The following SDHAF4 variants were observed in gnomAD, a reference collection of about 807,000 sequenced individuals.
SDHAF4 encodes succinate dehydrogenase complex assembly factor 4, also known as succinate dehydrogenase assembly factor 4, mitochondrial.
Under a neutral mutation model 14.3 loss-of-function variants are expected in SDHAF4, and 14 were observed. That is an observed-to-expected ratio of 0.98 (90% CI 0.65 to 1.53). The LOEUF is 1.53. Among genes scored for constraint, SDHAF4 ranks in the 40% most tolerant of loss-of-function variants. SDHAF4 has a pLI of 0.00. For synonymous variants in SDHAF4, 63 were observed against 47.3 expected, an observed-to-expected ratio of 1.33 and a Z score of -1.36; for missense variants, 141 against 129.3, an observed-to-expected ratio of 1.09 and a Z score of -0.44.
Position 70,567,117 on chromosome 6 carries a change from C to T in SDHAF4, c.64+113C>T, listed in dbSNP as rs113644446. 1,079 of 1,063,656 alleles carry T rather than the reference C, an allele frequency of 1.0e-3. 6 individuals are homozygous for T. The African/African-American group carries it at 0.015, about 15-fold the overall frequency. The allele number at this position is 1,063,656 out of a possible 1,614,324, so 65.9% of individuals were successfully genotyped here. A position where few individuals can be genotyped will look rare whatever the true frequency, so the allele number is the denominator to read the frequency against. On this transcript the variant is annotated intron_variant, in intron 1 of 2. Coordinates refer to ENST00000370474, the MANE Select transcript of SDHAF4 (RefSeq NM_145267.3). ...GTGTGTCCTGGCCGTTCGGTGTTGCCAGGGGCTGCCCAGCTTCTCCCGCCC... is the reference window on the plus strand; with the variant it reads ...GTGTGTCCTGGCCGTTCGGTGTTGCTAGGGGCTGCCCAGCTTCTCCCGCCC...
At chr6:70,567,412 A>T (rs1802111826) in intron 1 of SDHAF4, 1 of 172,808 alleles carries the variant, frequency 5.8e-6, no homozygotes, top group Non-Finnish European at 1.2e-5. Context: ...ATCATTATTT[A>T]CAGGAATCCG....
chr6:70,597,865 C>T, the SDHAF4 span, among the ~76,000 whole-genome samples: 1 of 152,110 alleles, frequency 6.6e-6, no homozygotes, highest in Non-Finnish European at 1.5e-5. Flanking sequence ...AATTTTTAAG[C>T]CCTTCCTGGT....
downstream of SDHAF4, among the ~76,000 whole-genome samples, chr6:70,592,627 A>G (rs1245087167): frequency 6.6e-6 from 1 of 152,226 alleles, no homozygotes; most frequent in Non-Finnish European, 1.5e-5. Context: ...GAATTAGAAT[A>G]TTTGACGGAA....
rs5877254 is a variant in SDHAF4, at chr6:70,568,962, C to CTTTTTTTTTTTTTTTTTTTTTTTTTTTTT, written c.64+1979_64+1980insTTTTTTTTTTTTTTTTTTTTTTTTTTTTT. Among the ~76,000 whole-genome samples, 22 of 97,990 alleles carry CTTTTTTTTTTTTTTTTTTTTTTTTTTTTT rather than the reference C, an allele frequency of 2.2e-4. 2 individuals are homozygous for CTTTTTTTTTTTTTTTTTTTTTTTTTTTTT. Among genetic ancestry groups the CTTTTTTTTTTTTTTTTTTTTTTTTTTTTT allele is most frequent in the African/African-American group, 8.8e-4 (21 of 23,748 alleles). The allele number at this position is 97,990 out of a possible 152,430, so 64.3% of individuals were successfully genotyped here. The stretch of plus-strand genomic sequence containing the variant: ...TTTGTGAAATACCTCTTTCTTTTTT[C>CTTTTTTTTTTTTTTTTTTTTTTTTTTTTT]TTTTTTTTTTTTTTTTTTTTTGAGG... On this transcript the variant is annotated intron_variant, in intron 1 of 2. Coordinates refer to ENST00000370474, the MANE Select transcript of SDHAF4 (RefSeq NM_145267.3).
At chr6:70,591,178 C>T (rs1171169309), downstream of SDHAF4, among the ~76,000 whole-genome samples, 2 of 152,070 alleles carry the variant, frequency 1.3e-5, no homozygotes, top group Non-Finnish European at 2.9e-5. Flanking sequence ...AAACTGGTAC[C>T]CTGTGGCCTA....
At chr6:70,580,193 T>G (rs1802304648) in intron 2 of SDHAF4, among the ~76,000 whole-genome samples, 1 of 152,114 alleles carries the variant, frequency 6.6e-6, no homozygotes, top group Non-Finnish European at 1.5e-5. Context: ...GGTATACAAA[T>G]GTACAAATGG....
chr6:70,581,245 A>G (rs146045590), intron 2 of SDHAF4, among the ~76,000 whole-genome samples: 1 of 152,162 alleles, frequency 6.6e-6, no homozygotes, highest in African/African-American at 2.4e-5. Flanking sequence ...TGTATTTAAT[A>G]CTACCAAATT....
chr6:70,593,169 A>C (rs532231522), downstream of SDHAF4, among the ~76,000 whole-genome samples: 55 of 152,348 alleles, frequency 3.6e-4, 2 homozygotes, highest in South Asian at 0.011. Flanking sequence ...CAGTGATGCA[A>C]GTGGTCTCAG....
At chr6:70,586,069 G>T (rs1765196316) in intron 2 of SDHAF4, among the ~76,000 whole-genome samples, 1 of 152,146 alleles carries the variant, frequency 6.6e-6, no homozygotes, top group African/African-American at 2.4e-5. Context: ...TTCCTCAGTA[G>T]AACAGGTTTT....
chr6:70,583,698 A>G (rs950371170), intron 2 of SDHAF4, among the ~76,000 whole-genome samples: 3 of 152,150 alleles, frequency 2.0e-5, no homozygotes, highest in Non-Finnish European at 4.4e-5. Context: ...AAACAAAACA[A>G]AACAAAAATC....
intron 1 of SDHAF4, among the ~76,000 whole-genome samples, chr6:70,573,010 C>G (rs1240206174): frequency 6.6e-6 from 1 of 151,966 alleles, no homozygotes; most frequent in Non-Finnish European, 1.5e-5. Flanking sequence ...GAGTCTTGTC[C>G]TGTCACCAGG....
At chr6:70,575,776 GT>G (rs1802247707) in intron 1 of SDHAF4, among the ~76,000 whole-genome samples, 1 of 151,820 alleles carries the variant, frequency 6.6e-6, no homozygotes, top group Non-Finnish European at 1.5e-5. Flanking sequence ...CTTTTAGAAG[GT>G]TTTCTTCTTG....
intron 1 of SDHAF4, among the ~76,000 whole-genome samples, chr6:70,574,848 A>C (rs1482633527): frequency 6.6e-6 from 1 of 152,152 alleles, no homozygotes; most frequent in African/African-American, 2.4e-5. Context: ...AGATGGTTTG[A>C]GTCCAGGAGA....
chr6:70,585,144 C>A (rs984772666), intron 2 of SDHAF4, among the ~76,000 whole-genome samples: 11 of 152,084 alleles, frequency 7.2e-5, no homozygotes, highest in Non-Finnish European at 1.5e-4. Context: ...GAGCTCTAAC[C>A]CCCCAGGTGA....
intron 1 of SDHAF4, among the ~76,000 whole-genome samples, chr6:70,569,557 G>A (rs1802154050): frequency 6.6e-6 from 1 of 152,162 alleles, no homozygotes; most frequent in Non-Finnish European, 1.5e-5. Context: ...TTTCTTAACA[G>A]ATTGCTTCTT....
downstream of SDHAF4, among the ~76,000 whole-genome samples, chr6:70,593,589 A>G (rs1423063958): frequency 1.3e-5 from 2 of 152,244 alleles, no homozygotes; most frequent in Non-Finnish European, 2.9e-5. Flanking sequence ...AGCCATAGGC[A>G]TGAGATTGCC....
chr6:70,594,805 G>A, the SDHAF4 span, among the ~76,000 whole-genome samples: 2,445 of 152,062 alleles, frequency 0.016, 61 homozygotes, highest in African/African-American at 0.056. Flanking sequence ...CCAGCTACTC[G>A]GGAGGCTGAA....
chr6:70,567,150 C>T lies in SDHAF4; in HGVS notation c.64+146C>T, dbSNP rs112387727. On this transcript the variant is annotated intron_variant, in intron 1 of 2. Transcript: ENST00000370474. ...GCCCAGCTTCTCCCGCCCAGCCGCC[C>T]ACCCGGTGGCCTGGGCAGGTTCCTG... The T allele has an allele frequency of 1.2e-3, 948 of 802,078 alleles. 5 individuals are homozygous for T. In the African/African-American group the frequency reaches 0.015, roughly 13 times the overall value. The allele number at this position is 802,078 out of a possible 1,614,324, so 49.7% of individuals were successfully genotyped here. A position where few individuals can be genotyped will look rare whatever the true frequency, so the allele number is the denominator to read the frequency against.
chr6:70,594,502 C>CT (rs1765284405), downstream of SDHAF4, among the ~76,000 whole-genome samples: 1 of 152,202 alleles, frequency 6.6e-6, no homozygotes, highest in African/African-American at 2.4e-5. Flanking sequence ...TTTTCATACC[C>CT]TGTGATGCCT....
Sources: allele counts gnomAD v4.1 joint callset (sites outside exome capture counted in the v4.1 genomes callset), GRCh38; gene constraint gnomAD v4.1.1; transcripts MANE v1.5; gene names NCBI Gene and HGNC (gene_info 2026-07-23, HGNC 2026-07-21).